FNBP1: variants seen among roughly 807,000 people sequenced by gnomAD.
FNBP1 encodes formin-binding protein 1.
A neutral mutation model predicts 90.6 loss-of-function variants in FNBP1; 26 were observed. That is an observed-to-expected ratio of 0.29 (90% CI 0.21 to 0.40). The LOEUF is 0.40. Ranked by LOEUF, FNBP1 falls within the 10% of genes least tolerant of loss-of-function variation. FNBP1 has a pLI of 1.00. For missense variants in FNBP1, 635 were observed against 768.0 expected (o/e 0.83, Z 2.05); for synonymous variants, 260 against 265.2 (o/e 0.98, Z 0.19).
intron 10 of FNBP1, chr9:129,919,156 T>C: frequency 7.8e-7 from 1 of 1,285,350 alleles, no homozygotes; most frequent in Non-Finnish European, 1.0e-6. Flanking sequence ...CAGGTGAACT[T>C]ACAACATAGT....
the FNBP1 span, among the ~76,000 whole-genome samples, chr9:130,050,765 T>C: frequency 2.6e-5 from 4 of 151,296 alleles, no homozygotes; most frequent in African/African-American, 9.7e-5. Context: ...CTCTGCCTCC[T>C]GAGTAGCTGG....
At chr9:129,924,075 A>C in intron 9 of FNBP1, 49 bp from the exon 10 acceptor site, 1 of 1,474,624 alleles carries the variant, frequency 6.8e-7, no homozygotes, top group Non-Finnish European at 8.9e-7. Context: ...AGAAACAAGA[A>C]GACACAAAAC....
chr9:130,048,640 G>C, the FNBP1 span, among the ~76,000 whole-genome samples: 5 of 150,762 alleles, frequency 3.3e-5, no homozygotes, highest in Non-Finnish European at 7.4e-5. Context: ...CATCACGCCC[G>C]GCTAATTTTT....
chr9:130,042,836 C>T lies in FNBP1; in HGVS notation c.24+116G>A, dbSNP rs1183794721. 1.5e-6 allele frequency: 1 copy of T among 665,162 alleles called. No individual in the cohort carries two copies. Among genetic ancestry groups the T allele is most frequent in the Non-Finnish European group, 2.1e-6 (1 of 475,802 alleles). 41.2% of individuals were successfully genotyped at this position (665,162 alleles called of 1,614,324 possible). A position where few individuals can be genotyped will look rare whatever the true frequency, so the allele number is the denominator to read the frequency against. On this transcript the variant is annotated intron_variant, in intron 1 of 16. Transcript: ENST00000446176. This position sits in a 1 kb window ranked among gnomAD's most constrained non-coding sequence, Gnocchi z 5.5. ...CCGCCTCCTCCCCAGGCCGCGAGGA[C>T]CCCGACCAGCGCGCCCTCGCCTCCG... is the stretch of plus-strand genomic sequence containing the variant.
intron 4 of FNBP1, among the ~76,000 whole-genome samples, chr9:129,962,383 T>C (rs981766495): frequency 6.6e-6 from 1 of 152,228 alleles, no homozygotes; most frequent in African/African-American, 2.4e-5. Context: ...GTCTGTTTTC[T>C]GGCTCACAAG....
At chr9:130,020,913 C>T (rs1445689800) in intron 1 of FNBP1, among the ~76,000 whole-genome samples, 2 of 152,078 alleles carry the variant, frequency 1.3e-5, no homozygotes, top group Non-Finnish European at 2.9e-5. Context: ...AGACTTAGTG[C>T]CAACATCCTC....
intron 1 of FNBP1, among the ~76,000 whole-genome samples, chr9:130,006,763 A>G (rs1467087827): frequency 1.3e-5 from 2 of 152,200 alleles, no homozygotes; most frequent in Non-Finnish European, 2.9e-5. Context: ...GAAAACACTA[A>G]GGAGTCTGTT....
In FNBP1 at chr9:129,939,182, A is replaced by AG. The variant is rs373448280; in HGVS notation, c.514-9488dup. ...GGCGGGTGGATCACCTGAGGTCAGG[A>AG]GTTCAAGACCAGCCTGACCAATATG... is the stretch of plus-strand genomic sequence containing the variant. On this transcript the variant is annotated intron_variant, in intron 6 of 16. Coordinates refer to ENST00000446176, the MANE Select transcript of FNBP1 (RefSeq NM_015033.3). Among the ~76,000 whole-genome samples, 321 of 152,240 alleles carry AG rather than the reference A, an allele frequency of 2.1e-3. 2 individuals carry two copies. The highest frequency in any genetic ancestry group is 7.4e-3 in the African/African-American group (308 of 41,550).
At chr9:129,929,409 CAAAAAAAAAAAA>C (rs11290487) in intron 7 of FNBP1, among the ~76,000 whole-genome samples, 146 bp downstream of exon 7, 2 of 61,214 alleles carry the variant, frequency 3.3e-5, no homozygotes, top group Non-Finnish European at 5.8e-5. Context: ...GACTCTGTCT[CAAAAAAAAAAAA>C]AAAAAAAAAA....
chr9:129,975,902 TAAAAAAA>T (rs34630525), intron 4 of FNBP1, among the ~76,000 whole-genome samples: 1 of 73,910 alleles, frequency 1.4e-5, no homozygotes, highest in African/African-American at 5.3e-5. Flanking sequence ...GACTCCATCT[TAAAAAAA>T]AAAAAAAAAA....
chr9:130,037,376 G>C (rs747923185), intron 1 of FNBP1, among the ~76,000 whole-genome samples: 1 of 152,048 alleles, frequency 6.6e-6, no homozygotes, highest in Non-Finnish European at 1.5e-5. Flanking sequence ...AGAAAAAAGA[G>C]CAGTAGAAGA....
At chr9:130,007,634 CTT>C (rs764988948) in intron 1 of FNBP1, among the ~76,000 whole-genome samples, 19 of 152,300 alleles carry the variant, frequency 1.2e-4, no homozygotes, top group Admixed American at 5.9e-4. Flanking sequence ...CAGTTCCTCT[CTT>C]GTTTCTACGG....
chr9:129,999,379 T>C (rs911330704), intron 1 of FNBP1, among the ~76,000 whole-genome samples: 7 of 152,050 alleles, frequency 4.6e-5, no homozygotes, highest in African/African-American at 1.4e-4. Context: ...GTGGATCACT[T>C]GAGAACAGGA....
At chr9:129,947,059 G>A (rs1450963018) in intron 6 of FNBP1, among the ~76,000 whole-genome samples, 2 of 152,198 alleles carry the variant, frequency 1.3e-5, no homozygotes, top group Non-Finnish European at 2.9e-5. Context: ...GACAAACTGT[G>A]ATTTTAAAGT....
chr9:129,910,927 C>T lies in FNBP1; in HGVS notation c.1186-1928G>A, dbSNP rs2039161457. On this transcript the variant is annotated intron_variant, in intron 11 of 16. Coordinates refer to ENST00000446176, the MANE Select transcript of FNBP1 (RefSeq NM_015033.3). ...GGAAGTGACTATTCCTAATAGCAAA[C>T]CAAAGAAGTTTGACTCTAAATCTAA... Among the ~76,000 whole-genome samples, 3 of 152,046 alleles carry T rather than the reference C, an allele frequency of 2.0e-5. No homozygotes were observed. The South Asian group carries it at 6.2e-4, about 32-fold the overall frequency.
chr9:129,917,075 T>C (rs148706478), intron 10 of FNBP1, among the ~76,000 whole-genome samples: 5,278 of 152,106 alleles, frequency 0.035, 99 homozygotes, highest in South Asian at 0.07. Context: ...TGCAGTGGCG[T>C]AATCTCGGCT....
Position 129,978,184 on chromosome 9 carries a change from C to T in FNBP1, c.345+281G>A, listed in dbSNP as rs532210137. On this transcript the variant is annotated intron_variant, in intron 4 of 16. Coordinates refer to ENST00000446176, the MANE Select transcript of FNBP1 (RefSeq NM_015033.3). ...TACAGCCACATGCCACCACGCCTGG[C>T]TAATTTTTGTATTTTTAGTAGAGAT... 7.2e-5 allele frequency among the ~76,000 whole-genome samples: 11 copies of T among 152,090 alleles called. No homozygotes were observed. The South Asian group carries it at 2.3e-3, about 32-fold the overall frequency.
rs1389818951 is a variant in FNBP1, at chr9:129,965,971, A to G, written c.346-7418T>C. Among the ~76,000 whole-genome samples, 10 of 152,266 alleles carry G rather than the reference A, an allele frequency of 6.6e-5. No homozygotes were observed. In the East Asian group the frequency reaches 1.9e-3, roughly 29 times the overall value. ...ATCTGATACAGAGAATCTCCCATCAATAAGATTTTTAGATAGAGTGCCAGG... is the reference window on the plus strand; with the variant it reads ...ATCTGATACAGAGAATCTCCCATCAGTAAGATTTTTAGATAGAGTGCCAGG... On this transcript the variant is annotated intron_variant, in intron 4 of 16. Coordinates refer to ENST00000446176, the MANE Select transcript of FNBP1 (RefSeq NM_015033.3).
chr9:129,951,442 T>G (rs1310766671), intron 6 of FNBP1, among the ~76,000 whole-genome samples: 1 of 149,822 alleles, frequency 6.7e-6, no homozygotes, highest in East Asian at 2.0e-4. Flanking sequence ...ATTTATTTAT[T>G]TGTTTGTTTG....
Sources: allele counts gnomAD v4.1 joint callset (sites outside exome capture counted in the v4.1 genomes callset), GRCh38; gene constraint gnomAD v4.1.1; non-coding constraint Gnocchi (gnomAD v3.1); transcripts MANE v1.5; gene names NCBI Gene and HGNC (gene_info 2026-07-23, HGNC 2026-07-21).